The following GC variants were observed in gnomAD, a reference collection of about 807,000 sequenced individuals.
The protein encoded by GC is vitamin D-binding protein.
A neutral mutation model predicts 56.7 loss-of-function variants in GC; 43 were observed. The observed-to-expected ratio is 0.76, with a 90% CI of 0.59 to 0.98. The LOEUF (loss-of-function observed/expected upper bound fraction) is 0.98, where lower values mean the gene tolerates loss of function less well. Among genes scored for constraint, GC ranks in the 50% least tolerant of loss-of-function variants. GC has a pLI of 0.00. For synonymous variants in GC, 216 were observed against 202.7 expected, an observed-to-expected ratio of 1.07 and a Z score of -0.56; for missense variants, 529 against 545.9, an observed-to-expected ratio of 0.97 and a Z score of 0.31.
At chr4:71,749,452 C>T (rs1741477658) in intron 11 of GC, among the ~76,000 whole-genome samples, 1 of 152,066 alleles carries the variant, frequency 6.6e-6, no homozygotes, top group Admixed American at 6.6e-5. Context: ...AGACAGATAA[C>T]AAAGGGACAG....
upstream of GC, chr4:71,804,127 A>G: frequency 1.6e-6 from 1 of 620,706 alleles, no homozygotes; most frequent in Non-Finnish European, 2.9e-6. Flanking sequence ...TCTGTCCCAC[A>G]GACCCTGGCT....
rs1438419510 is a variant in GC, at chr4:71,768,216, A to G, written c.261+85T>C. Reference sequence around the variant, plus strand: ...CTAGGAGTAAATGGAGTTGCTGTCTAAAATTTTTTCAACACGTGGTATAAA... The same window carrying G: ...CTAGGAGTAAATGGAGTTGCTGTCTGAAATTTTTTCAACACGTGGTATAAA... On this transcript the variant is annotated intron_variant, in intron 3 of 12. Coordinates refer to ENST00000273951, the MANE Select transcript of GC (RefSeq NM_000583.4). 10 of 1,167,546 alleles carry G rather than the reference A, an allele frequency of 8.6e-6. No homozygotes were observed. The African/African-American group carries it at 1.4e-4, about 16-fold the overall frequency. 72.3% of individuals were successfully genotyped at this position (1,167,546 alleles called of 1,614,324 possible). A position where few individuals can be genotyped will look rare whatever the true frequency, so the allele number is the denominator to read the frequency against.
intron 6 of GC, 108 bp from the exon 7 acceptor site, chr4:71,758,279 C>G (rs1048476781): frequency 2.1e-6 from 2 of 960,198 alleles, no homozygotes; most frequent in Non-Finnish European, 1.6e-6. Context: ...ACCTCCTTGG[C>G]CTCAAGAGAT....
At chr4:71,803,803 T>C in intron 1 of GC, 3 of 676,954 alleles carry the variant, frequency 4.4e-6, no homozygotes, top group Non-Finnish European at 7.9e-6. Flanking sequence ...TTTAATTTTA[T>C]TTGCTTTGCA....
intron 2 of GC, among the ~76,000 whole-genome samples, chr4:71,768,931 G>C (rs1742261532): frequency 6.6e-6 from 1 of 152,184 alleles, no homozygotes; most frequent in South Asian, 2.1e-4. Context: ...GAAAGCAGTA[G>C]AAATTGAACT....
intron 12 of GC, among the ~76,000 whole-genome samples, chr4:71,745,880 G>T (rs926377729): frequency 2.0e-5 from 3 of 151,868 alleles, no homozygotes; most frequent in Admixed American, 2.0e-4. Context: ...GTTCTTTACG[G>T]TATCATTATG....
At chr4:71,797,678 C>A (rs1015158702) in intron 1 of GC, among the ~76,000 whole-genome samples, 1 of 152,262 alleles carries the variant, frequency 6.6e-6, no homozygotes, top group African/African-American at 2.4e-5. Context: ...GGGCAGCACC[C>A]ACTGTCCAAC....
intron 1 of GC, among the ~76,000 whole-genome samples, chr4:71,782,522 G>T (rs1477043775): frequency 6.6e-6 from 1 of 151,790 alleles, no homozygotes; most frequent in Non-Finnish European, 1.5e-5. Context: ...CTGACTGGAG[G>T]TTTTTAGCAT....
intron 1 of GC, among the ~76,000 whole-genome samples, chr4:71,770,184 G>T (rs539152345): frequency 1.3e-4 from 20 of 152,226 alleles, no homozygotes; most frequent in African/African-American, 4.8e-4. Context: ...GAGGGTGATG[G>T]GCTTGCTAAG....
At position 71,801,525 on chromosome 4, in the gene GC, C is replaced by T. The variant is rs973967048; in HGVS notation, c.21+2401G>A. On this transcript the variant is annotated intron_variant, in intron 1 of 13. Coordinates refer to the GC transcript ENST00000504199. ...GACACATAGAGAGCCAGGGCAACTT[C>T]GGGGCTCACTTTATGAAGTTCCTTA... Among the ~76,000 whole-genome samples, 9 of 152,206 alleles carry T rather than the reference C, an allele frequency of 5.9e-5. No individual in the cohort carries two copies. The East Asian group carries it at 1.4e-3, about 23-fold the overall frequency.
At position 71,778,045 on chromosome 4, in the gene GC, A is replaced by C. The variant is rs531363723; in HGVS notation, c.58+5916T>G. ...AACTTAAAGTTTATATATATATAAA[A>C]AAAAACAAAATAAAACCCACATAGG... On this transcript the variant is annotated intron_variant, in intron 1 of 12. Coordinates refer to ENST00000273951, the MANE Select transcript of GC (RefSeq NM_000583.4). Among the ~76,000 whole-genome samples the C allele has an allele frequency of 1.0e-3, 158 of 151,876 alleles. 1 individual carries two copies. The highest frequency in any genetic ancestry group is 2.0e-3 in the Non-Finnish European group (137 of 67,858).
intron 1 of GC, among the ~76,000 whole-genome samples, chr4:71,779,603 G>A (rs1262848001): frequency 6.6e-6 from 1 of 151,728 alleles, no homozygotes; most frequent in African/African-American, 2.4e-5. Flanking sequence ...GAAGAAGTTA[G>A]GTGACCAAAA....
upstream of GC, among the ~76,000 whole-genome samples, chr4:71,804,852 AG>A (rs966586667): frequency 1.3e-5 from 2 of 148,994 alleles, no homozygotes; most frequent in Non-Finnish European, 3.0e-5. Flanking sequence ...TTACTGGGGG[AG>A]GGGGGTCAGG....
At chr4:71,757,599 A>G (rs537570060) in intron 7 of GC, among the ~76,000 whole-genome samples, 2 of 46,372 alleles carry the variant, frequency 4.3e-5, no homozygotes, top group Non-Finnish European at 2.1e-4. Flanking sequence ...ACTTTACGCA[A>G]TAATGAAAAT....
At chr4:71,766,458 A>T (rs936529324) in intron 3 of GC, among the ~76,000 whole-genome samples, 1 of 152,168 alleles carries the variant, frequency 6.6e-6, no homozygotes, top group Non-Finnish European at 1.5e-5. Flanking sequence ...GAAAAATTTC[A>T]TATTTGAAAT....
chr4:71,802,316 T>C (rs1743270722), intron 1 of GC, among the ~76,000 whole-genome samples: 1 of 152,216 alleles, frequency 6.6e-6, no homozygotes, highest in Admixed American at 6.5e-5. Context: ...TTTTCTGGAT[T>C]GACATTTACC....
At chr4:71,779,813 T>G (rs1742617935) in intron 1 of GC, among the ~76,000 whole-genome samples, 1 of 151,820 alleles carries the variant, frequency 6.6e-6, no homozygotes. Flanking sequence ...AACATTGCTC[T>G]CAGTGATGAG....
chr4:71,769,337 G>A lies in GC; in HGVS notation c.122C>T (p.Thr41Ile), dbSNP rs750468115. 3 of 1,607,120 alleles carry A rather than the reference G, an allele frequency of 1.9e-6. No individual in the cohort carries two copies. The highest frequency in any genetic ancestry group is 2.2e-5 in the South Asian group (2 of 90,862). ...EFSHLGKEDF[T>I]SLSLVLYSRK... is the part of the protein sequence containing the mutation. ...GTGGCTGCTGCACACTTACAGAGAT[G>A]TGAAGTCCTCCTTTCCCAGATGGGA... Residue 41 changes from threonine to isoleucine, a missense_variant, in exon 2 of 13, where the codon ACA (threonine) becomes ATA (isoleucine). By Grantham distance (89) the Thr-to-Ile change is moderately conservative (BLOSUM62 -1). Transcript: ENST00000273951.
At chr4:71,767,241 G>A (rs1742185805) in intron 3 of GC, among the ~76,000 whole-genome samples, 1 of 152,194 alleles carries the variant, frequency 6.6e-6, no homozygotes, top group East Asian at 1.9e-4. Context: ...ATCTGCTGAA[G>A]GCTTGAACAG....
Sources: allele counts gnomAD v4.1 joint callset (sites outside exome capture counted in the v4.1 genomes callset), GRCh38; gene constraint gnomAD v4.1.1; transcripts MANE v1.5; gene names NCBI Gene and HGNC (gene_info 2026-07-23, HGNC 2026-07-21).